NCKAP5: variants seen among roughly 807,000 people sequenced by gnomAD.
NCKAP5 encodes the protein NCK associated protein 5.
NCKAP5 carries 92 observed loss-of-function variants against 167.0 expected under a neutral mutation model. The observed-to-expected ratio is 0.55, with a 90% CI of 0.47 to 0.66. The LOEUF (loss-of-function observed/expected upper bound fraction) is 0.66. Among genes scored for constraint, NCKAP5 ranks in the 30% least tolerant of loss-of-function variants. The pLI, the probability that NCKAP5 is intolerant of heterozygous loss-of-function variation, is 0.00. For missense variants in NCKAP5, 2,378 were observed against 2,315.0 expected, an observed-to-expected ratio of 1.03 and a Z score of -0.56; for synonymous variants, 891 against 877.4, an observed-to-expected ratio of 1.02 and a Z score of -0.27.
chr2:133,071,472 A>G (rs760981545), intron 6 of NCKAP5, among the ~76,000 whole-genome samples: 33 of 152,208 alleles, frequency 2.2e-4, no homozygotes, highest in Non-Finnish European at 4.1e-4. Context: ...CAAACAAAAA[A>G]AAATCACAGT....
chr2:132,753,636 C>G (rs544013238), intron 16 of NCKAP5, among the ~76,000 whole-genome samples: 2 of 152,218 alleles, frequency 1.3e-5, no homozygotes, highest in Non-Finnish European at 1.5e-5. Context: ...AAATGATGGA[C>G]ATCCTGGTTG....
At chr2:133,191,459 ACACATG>A (rs1434054012) in intron 5 of NCKAP5, among the ~76,000 whole-genome samples, 23 of 152,300 alleles carry the variant, frequency 1.5e-4, no homozygotes, top group African/African-American at 5.3e-4. Flanking sequence ...TCCTATAAAG[ACACATG>A]CACACGTATG....
At chr2:132,695,343 A>G (rs1687201133) in intron 19 of NCKAP5, among the ~76,000 whole-genome samples, 1 of 152,186 alleles carries the variant, frequency 6.6e-6, no homozygotes, top group South Asian at 2.1e-4. Context: ...AAACAGCAGC[A>G]TCTCTGCCCT....
At chr2:133,641,710 A>T in the NCKAP5 span, among the ~76,000 whole-genome samples, 1 of 152,166 alleles carries the variant, frequency 6.6e-6, no homozygotes, top group African/African-American at 2.4e-5. Context: ...AACCAGTTCA[A>T]CTTAAGGGAA....
the NCKAP5 span, among the ~76,000 whole-genome samples, chr2:133,648,835 A>C: frequency 4.0e-5 from 6 of 150,376 alleles, no homozygotes; most frequent in South Asian, 1.3e-3. Context: ...CTAACTTTTT[A>C]AACCTAAGGG....
the NCKAP5 span, among the ~76,000 whole-genome samples, chr2:133,590,511 G>A: frequency 1.4e-4 from 18 of 129,084 alleles, no homozygotes; most frequent in Middle Eastern, 3.9e-3. Flanking sequence ...GTGACAGAGC[G>A]AGACTCTGTC....
At chr2:133,239,190 A>G (rs2087563523) in intron 4 of NCKAP5, among the ~76,000 whole-genome samples, 1 of 152,194 alleles carries the variant, frequency 6.6e-6, no homozygotes. Flanking sequence ...TATGTTTACT[A>G]GAAAGAATTT....
chr2:133,558,511 G>C (rs1047556084), intron 2 of NCKAP5, among the ~76,000 whole-genome samples: 1 of 151,822 alleles, frequency 6.6e-6, no homozygotes, highest in Non-Finnish European at 1.5e-5. Flanking sequence ...TACAGAAAAA[G>C]GGTATTGAAT....
intron 3 of NCKAP5, among the ~76,000 whole-genome samples, chr2:133,361,329 T>C (rs1202153916): frequency 2.0e-5 from 3 of 152,174 alleles, no homozygotes; most frequent in Non-Finnish European, 4.4e-5. Context: ...GATGTCAAAG[T>C]ATTAGGTTGT....
At chr2:133,603,536 ATTTTC>A in the NCKAP5 span, among the ~76,000 whole-genome samples, 53 of 133,442 alleles carry the variant, frequency 4.0e-4, no homozygotes, top group African/African-American at 1.4e-3. Flanking sequence ...GGCATCAGGG[ATTTTC>A]TTTTCTTTTC....
intron 6 of NCKAP5, among the ~76,000 whole-genome samples, chr2:132,998,324 A>G (rs1007761714): frequency 6.6e-6 from 1 of 152,230 alleles, no homozygotes; most frequent in Non-Finnish European, 1.5e-5. Context: ...TACTTAAAAA[A>G]TAGGAAAAAG....
intron 3 of NCKAP5, among the ~76,000 whole-genome samples, chr2:133,381,983 C>T (rs1177652183): frequency 6.6e-6 from 1 of 152,196 alleles, no homozygotes; most frequent in East Asian, 1.9e-4. Context: ...GACTTGTGTT[C>T]TTAGATCTCC....
At chr2:133,071,426 C>A (rs2080395628) in intron 6 of NCKAP5, among the ~76,000 whole-genome samples, 1 of 152,112 alleles carries the variant, frequency 6.6e-6, no homozygotes, top group African/African-American at 2.4e-5. Flanking sequence ...GCCTGGGCGA[C>A]AGAGCGAGAC....
rs80236647 is a variant in NCKAP5 at position 133,333,367 on chromosome 2, G to C, written c.70-30257C>G. Among the ~76,000 whole-genome samples the C allele has an allele frequency of 1.2e-3, 190 of 152,274 alleles. 4 individuals carry two copies. The East Asian group carries it at 0.033, about 26-fold the overall frequency. On this transcript the variant is annotated intron_variant, in intron 3 of 19. Transcript: ENST00000409261. ...GATACATCGGAAGAGGAAAGGCTACGGAGTCACTGGGGGCTGGGTTTGAAG... is the reference window on the plus strand; with the variant it reads ...GATACATCGGAAGAGGAAAGGCTACCGAGTCACTGGGGGCTGGGTTTGAAG...
intron 8 of NCKAP5, among the ~76,000 whole-genome samples, chr2:132,935,919 C>A (rs1021742655): frequency 6.6e-6 from 1 of 151,814 alleles, no homozygotes; most frequent in East Asian, 1.9e-4. Context: ...AGGCTGGTGC[C>A]GTTAATCAGG....
chr2:132,713,648 A>G (rs1558958591), intron 19 of NCKAP5, among the ~76,000 whole-genome samples: 1 of 152,220 alleles, frequency 6.6e-6, no homozygotes, highest in Non-Finnish European at 1.5e-5. Flanking sequence ...ATATCCGGGA[A>G]AGAAACATTA....
At chr2:132,877,861 T>C (rs139233738) in intron 9 of NCKAP5, among the ~76,000 whole-genome samples, 19 of 152,256 alleles carry the variant, frequency 1.2e-4, no homozygotes, top group Middle Eastern at 3.4e-3. Context: ...TGACGATATA[T>C]TGGCAGTTCC....
At chr2:133,312,358 T>C (rs1242487375) in intron 3 of NCKAP5, among the ~76,000 whole-genome samples, 1 of 152,158 alleles carries the variant, frequency 6.6e-6, no homozygotes, top group Non-Finnish European at 1.5e-5. Flanking sequence ...GCTTAACTGT[T>C]CCCTATTAGA....
the NCKAP5 span, among the ~76,000 whole-genome samples, chr2:133,670,251 T>C: frequency 2.6e-5 from 4 of 152,332 alleles, no homozygotes; most frequent in South Asian, 2.1e-4. Context: ...GCATACAGTG[T>C]AGTGCAGGGC....
Sources: allele counts gnomAD v4.1 joint callset (sites outside exome capture counted in the v4.1 genomes callset), GRCh38; gene constraint gnomAD v4.1.1; transcripts MANE v1.5; gene names NCBI Gene and HGNC (gene_info 2026-07-23, HGNC 2026-07-21).